Variants in TMTC2 observed in about 807,000 individuals in gnomAD.
TMTC2 encodes the protein transmembrane O-mannosyltransferase targeting cadherins 2, also known as protein O-mannosyl-transferase TMTC2.
In TMTC2, 43 loss-of-function variants were observed where a neutral mutation model predicts 82.4. That is an observed-to-expected ratio of 0.52 (90% CI 0.41 to 0.67). The LOEUF (loss-of-function observed/expected upper bound fraction) is 0.67. Among genes scored for constraint, TMTC2 ranks in the 30% least tolerant of loss-of-function variants. The pLI is 0.00. For missense variants in TMTC2, 919 were observed against 1,012.4 expected (o/e 0.91, Z 1.25); for synonymous variants, 408 against 381.9 (o/e 1.07, Z -0.80).
At chr12:82,712,061 C>T (rs1035489213) in intron 1 of TMTC2, among the ~76,000 whole-genome samples, 1 of 152,080 alleles carries the variant, frequency 6.6e-6, no homozygotes, top group Non-Finnish European at 1.5e-5. Context: ...TCCCCATTTC[C>T]TTTCTGTGCT....
At chr12:82,697,549 T>C (rs1171551771) in intron 1 of TMTC2, among the ~76,000 whole-genome samples, 1 of 152,162 alleles carries the variant, frequency 6.6e-6, no homozygotes, top group African/African-American at 2.4e-5. Flanking sequence ...AGACAGTTTA[T>C]TTAATCTGTG....
At chr12:82,805,202 T>TA (rs1879185672) in intron 1 of TMTC2, among the ~76,000 whole-genome samples, 1 of 152,084 alleles carries the variant, frequency 6.6e-6, no homozygotes, top group African/African-American at 2.4e-5. Context: ...CTGAGAAAGG[T>TA]AAAAATACCT....
chr12:82,698,723 A>G (rs1002568939), intron 1 of TMTC2, among the ~76,000 whole-genome samples: 1 of 152,206 alleles, frequency 6.6e-6, no homozygotes, highest in African/African-American at 2.4e-5. Flanking sequence ...TAATAACAAA[A>G]TAGAACAGTT....
chr12:83,059,430 C>T (rs1882659570), intron 10 of TMTC2, among the ~76,000 whole-genome samples: 1 of 151,684 alleles, frequency 6.6e-6, no homozygotes, highest in Non-Finnish European at 1.5e-5. Flanking sequence ...GTATTCTTTT[C>T]CCTACAGTTT....
In TMTC2 at chr12:83,019,158, TAA is replaced by T. The variant is rs11293297; in HGVS notation, c.2071-11629_2071-11628del. ...TTCCTCTTCTAATTTTAAACTAAACTAAAAAAAAAAAACATACACATTAATTT... is the reference window on the plus strand; with the variant it reads ...TTCCTCTTCTAATTTTAAACTAAACTAAAAAAAAAACATACACATTAATTT... On this transcript the variant is annotated intron_variant, in intron 8 of 11. Transcript: ENST00000321196. Among the ~76,000 whole-genome samples, 314 of 151,738 alleles carry T rather than the reference TAA, an allele frequency of 2.1e-3. 2 individuals are homozygous for T. Among genetic ancestry groups the T allele is most frequent in the African/African-American group, 7.0e-3 (290 of 41,262 alleles).
At chr12:83,106,551 C>G (rs1015365378) in intron 11 of TMTC2, among the ~76,000 whole-genome samples, 1 of 149,582 alleles carries the variant, frequency 6.7e-6, no homozygotes, top group Non-Finnish European at 1.5e-5. Flanking sequence ...AAGATACACA[C>G]CAAGTTGAAT....
intron 1 of TMTC2, among the ~76,000 whole-genome samples, chr12:82,803,176 C>T (rs1879090073): frequency 6.6e-6 from 1 of 152,032 alleles, no homozygotes; most frequent in East Asian, 1.9e-4. Flanking sequence ...ATATTGTATC[C>T]AGATGAATGC....
rs1321623517 is a variant in TMTC2 at position 83,107,943 on chromosome 12, T to C, written c.2332-24267T>C. On this transcript the variant is annotated intron_variant, in intron 11 of 11. Transcript: ENST00000321196. ...GGTGACTGAATCAAGGGGATGGATT[T>C]CCCCCCTTGCTGTTCCTGTGATAGT... Among the ~76,000 whole-genome samples, 4 of 152,192 alleles carry C rather than the reference T, an allele frequency of 2.6e-5. No homozygotes were observed. In the East Asian group the frequency reaches 7.8e-4, roughly 29 times the overall value.
intron 1 of TMTC2, among the ~76,000 whole-genome samples, chr12:82,714,177 G>A (rs1873785726): frequency 6.6e-6 from 1 of 152,198 alleles, no homozygotes; most frequent in South Asian, 2.1e-4. Context: ...GTTGTTGACT[G>A]GCATTGAGAA....
intron 4 of TMTC2, among the ~76,000 whole-genome samples, chr12:82,937,276 C>A (rs1876368015): frequency 6.6e-6 from 1 of 152,170 alleles, no homozygotes; most frequent in Non-Finnish European, 1.5e-5. Flanking sequence ...AAGAATCCTT[C>A]CTTGCCTTTT....
intron 1 of TMTC2, among the ~76,000 whole-genome samples, chr12:82,816,072 C>T (rs951524446): frequency 8.6e-5 from 13 of 151,432 alleles, no homozygotes; most frequent in African/African-American, 2.7e-4. Flanking sequence ...TATATAAAGG[C>T]ATGAATGAGC....
At chr12:82,868,526 C>T (rs952426822) in intron 2 of TMTC2, among the ~76,000 whole-genome samples, 1 of 151,952 alleles carries the variant, frequency 6.6e-6, no homozygotes, top group African/African-American at 2.4e-5. Flanking sequence ...CTTTCTTTTC[C>T]CCTTTGGGCT....
At chr12:83,062,762 G>A (rs1882789568) in intron 11 of TMTC2, among the ~76,000 whole-genome samples, 1 of 151,762 alleles carries the variant, frequency 6.6e-6, no homozygotes, top group African/African-American at 2.4e-5. Context: ...GAAATACAGT[G>A]TAGTGATTCT....
At chr12:83,085,389 T>G (rs943830024) in intron 11 of TMTC2, among the ~76,000 whole-genome samples, 3 of 152,210 alleles carry the variant, frequency 2.0e-5, no homozygotes, top group Admixed American at 6.5e-5. Flanking sequence ...TTAATTGCAG[T>G]CAGAGACAGT....
intron 2 of TMTC2, among the ~76,000 whole-genome samples, chr12:82,885,655 G>C (rs1873061929): frequency 6.6e-6 from 1 of 152,060 alleles, no homozygotes; most frequent in Admixed American, 6.6e-5. Flanking sequence ...ACAGGTGTGA[G>C]CCATTGCTCC....
chr12:83,020,334 T>A (rs184890765), intron 8 of TMTC2, among the ~76,000 whole-genome samples: 2 of 152,324 alleles, frequency 1.3e-5, no homozygotes, highest in Non-Finnish European at 2.9e-5. Context: ...TTTAATGTAT[T>A]GTGGAAATTT....
chr12:82,821,706 A>G (rs1869119868), intron 1 of TMTC2, among the ~76,000 whole-genome samples: 1 of 152,026 alleles, frequency 6.6e-6, no homozygotes, highest in Non-Finnish European at 1.5e-5. Context: ...CCCCATCTCT[A>G]CTAAAAATAC....
intron 2 of TMTC2, among the ~76,000 whole-genome samples, chr12:82,875,339 A>C (rs1237040431): frequency 2.0e-5 from 3 of 148,894 alleles, no homozygotes; most frequent in Non-Finnish European, 2.9e-5. Context: ...TATTAATCTT[A>C]CTTTAAAAAT....
intron 1 of TMTC2, among the ~76,000 whole-genome samples, chr12:82,715,748 A>G (rs1484880025): frequency 6.6e-6 from 1 of 152,192 alleles, no homozygotes. Flanking sequence ...GGGATGGGGT[A>G]GGGATATCAA....
Sources: gnomAD v4.1 joint callset for allele counts (sites outside exome capture counted in the v4.1 genomes callset) on GRCh38, gnomAD v4.1.1 for gene constraint, MANE v1.5 for transcripts, NCBI Gene and HGNC (gene_info 2026-07-23, HGNC 2026-07-21) for gene names.